GRK3: variants seen among roughly 807,000 people sequenced by gnomAD.
GRK3 encodes G protein-coupled receptor kinase 3.
A neutral mutation model predicts 95.7 loss-of-function variants in GRK3; 54 were observed. The ratio of observed to expected loss-of-function variants is 0.56; its 90% CI spans 0.45 to 0.71. The LOEUF (loss-of-function observed/expected upper bound fraction) is 0.71, where lower values mean the gene tolerates loss of function less well. GRK3 is among the 30% of genes least tolerant of loss of function. The pLI, the probability that GRK3 is intolerant of heterozygous loss-of-function variation, is 0.00. For synonymous variants in GRK3, 281 were observed against 290.8 expected, an observed-to-expected ratio of 0.97 and a Z score of 0.34; for missense variants, 649 against 851.2, an observed-to-expected ratio of 0.76 and a Z score of 2.96.
intron 20 of GRK3, among the ~76,000 whole-genome samples, chr22:25,721,731 A>G (rs5761160): frequency 1.3e-5 from 2 of 152,188 alleles, no homozygotes; most frequent in African/African-American, 4.8e-5. Flanking sequence ...TAAATATAAG[A>G]CGGCAAACTG....
At position 25,595,862 on chromosome 22, in the gene GRK3, G is replaced by A. The variant is rs566626057; in HGVS notation, c.114-8515G>A. Among the ~76,000 whole-genome samples the A allele has an allele frequency of 4.6e-5, 7 of 152,260 alleles. No homozygotes were observed. In the South Asian group the frequency reaches 1.5e-3, roughly 32 times the overall value. On this transcript the variant is annotated intron_variant, in intron 1 of 20. Coordinates refer to ENST00000324198, the MANE Select transcript of GRK3 (RefSeq NM_005160.4). ...CTCAGGAGGCTGAGGTGGGAGGATG[G>A]CTTGAGCTCAGGAGTTTGAGGCCGC... is the stretch of plus-strand genomic sequence containing the variant.
At chr22:25,632,039 C>T (rs1157410388) in intron 2 of GRK3, among the ~76,000 whole-genome samples, 1 of 152,138 alleles carries the variant, frequency 6.6e-6, no homozygotes, top group Non-Finnish European at 1.5e-5. Context: ...TTCTATGTGA[C>T]TATAAGAGCA....
rs1368163821 is a variant in GRK3, at chr22:25,687,677, A to T, written c.957+10A>T. The T allele has an allele frequency of 6.2e-7, 1 of 1,613,942 alleles. No individual in the cohort carries two copies. The highest frequency in any genetic ancestry group is 8.5e-7 in the Non-Finnish European group (1 of 1,179,958). On this transcript the variant is annotated intron_variant, in intron 11 of 20. Coordinates refer to ENST00000324198, the MANE Select transcript of GRK3 (RefSeq NM_005160.4). ...CTACAGAGATTTGAAGGTGAGGACG[A>T]TTGACAGACTCATTCTGCATAGTAG...
intron 3 of GRK3, among the ~76,000 whole-genome samples, chr22:25,661,194 C>T (rs16980523): frequency 1.3e-5 from 2 of 152,122 alleles, no homozygotes; most frequent in Non-Finnish European, 2.9e-5. Flanking sequence ...ATTCCCTATC[C>T]TAACTCCTAG....
chr22:25,590,247 C>T (rs868084810), intron 1 of GRK3, among the ~76,000 whole-genome samples: 2 of 151,472 alleles, frequency 1.3e-5, no homozygotes, highest in Non-Finnish European at 2.9e-5. Flanking sequence ...AATACAATGC[C>T]ACTGCGAAAA....
At chr22:25,580,204 CAG>C (rs1491246548) in intron 1 of GRK3, 2 of 152,232 alleles carry the variant, frequency 1.3e-5, no homozygotes, top group African/African-American at 4.8e-5. Context: ...TCGGCTTCCT[CAG>C]GGGGTCACTG....
intron 1 of GRK3, among the ~76,000 whole-genome samples, chr22:25,596,235 G>A (rs2084371737): frequency 6.6e-6 from 1 of 152,290 alleles, no homozygotes; most frequent in Non-Finnish European, 1.5e-5. Context: ...GGGTAGGTAG[G>A]TGAAAAACCA....
chr22:25,729,038 A>G lies in GRK3; in HGVS notation c.*6588A>G, dbSNP rs2085496035. 6.6e-6 allele frequency: 1 copy of G among 152,192 alleles called. No individual in the cohort carries two copies. The highest frequency in any genetic ancestry group is 1.5e-5 in the Non-Finnish European group (1 of 68,036). 9.4% of individuals were successfully genotyped at this position (152,192 alleles called of 1,614,324 possible). On this transcript the variant is annotated 3_prime_UTR_variant, in exon 21 of 21. Coordinates refer to ENST00000324198, the MANE Select transcript of GRK3 (RefSeq NM_005160.4). ...AATCTAGATATTGTACCTAGACAAA[A>G]TATCATTGGTTCTATCTCTTTTTGT...
Position 25,564,800 on chromosome 22 carries a change from C to G in GRK3, c.-241C>G, listed in dbSNP as rs1931375562. On this transcript the variant is annotated 5_prime_UTR_variant, in exon 1 of 21. Transcript: ENST00000324198. ...CAGGGGGCGGCGCGCGTGCGCGGGGCGCCGGGCGGCGCGCGAGGGGGCGGA... is the reference window on the plus strand; with the variant it reads ...CAGGGGGCGGCGCGCGTGCGCGGGGGGCCGGGCGGCGCGCGAGGGGGCGGA... The G allele has an allele frequency of 6.8e-6, 1 of 147,696 alleles. No individual in the cohort carries two copies. Among genetic ancestry groups the G allele is most frequent in the African/African-American group, 2.5e-5 (1 of 40,488 alleles). 9.1% of individuals were successfully genotyped at this position (147,696 alleles called of 1,614,324 possible).
chr22:25,612,675 A>G (rs914863488), intron 2 of GRK3, among the ~76,000 whole-genome samples: 8 of 152,134 alleles, frequency 5.3e-5, no homozygotes, highest in Admixed American at 4.6e-4. Context: ...AGTTGGTCTC[A>G]AACATATTTA....
At chr22:25,670,690 TC>T (rs1157764544) in intron 6 of GRK3, among the ~76,000 whole-genome samples, 1 of 151,920 alleles carries the variant, frequency 6.6e-6, no homozygotes, top group East Asian at 1.9e-4. Flanking sequence ...CAAAATGAGA[TC>T]GAACCATCAC....
At chr22:25,596,475 T>C (rs1404904013) in intron 1 of GRK3, among the ~76,000 whole-genome samples, 1 of 152,256 alleles carries the variant, frequency 6.6e-6, no homozygotes, top group Non-Finnish European at 1.5e-5. Flanking sequence ...TTTAAACATC[T>C]ATTTGAAAAT....
At chr22:25,710,183 C>G (rs1248759492) in intron 16 of GRK3, among the ~76,000 whole-genome samples, 1 of 152,220 alleles carries the variant, frequency 6.6e-6, no homozygotes, top group African/African-American at 2.4e-5. Flanking sequence ...CATCCTCTCA[C>G]TCTTCATTTC....
At chr22:25,699,198 C>T (rs1348385663) in intron 13 of GRK3, among the ~76,000 whole-genome samples, 4 of 152,068 alleles carry the variant, frequency 2.6e-5, no homozygotes, top group African/African-American at 7.2e-5. Context: ...GTGGGAGAAC[C>T]TCAAAAATAT....
At chr22:25,706,452 G>A (rs367614250) in intron 15 of GRK3, among the ~76,000 whole-genome samples, 10 of 152,186 alleles carry the variant, frequency 6.6e-5, no homozygotes, top group East Asian at 1.9e-4. Context: ...CACTGCCCCT[G>A]TGTCAGCACC....
intron 2 of GRK3, among the ~76,000 whole-genome samples, chr22:25,628,098 G>T (rs763745872): frequency 6.6e-6 from 1 of 152,162 alleles, no homozygotes; most frequent in Admixed American, 6.5e-5. Flanking sequence ...CCTAAGAAAA[G>T]ATTTTCAATG....
At chr22:25,649,541 C>CT (rs1262229010) in intron 3 of GRK3, among the ~76,000 whole-genome samples, 3 of 152,162 alleles carry the variant, frequency 2.0e-5, no homozygotes, top group Non-Finnish European at 4.4e-5. Flanking sequence ...CATTTTCTTT[C>CT]TTTTCTTCCC....
intron 2 of GRK3, among the ~76,000 whole-genome samples, chr22:25,637,865 A>G (rs1601491939): frequency 6.6e-6 from 1 of 152,296 alleles, no homozygotes; most frequent in Admixed American, 6.5e-5. Flanking sequence ...GATGGTGCAG[A>G]TGAAGTCTGG....
In GRK3 at chr22:25,684,898, T is replaced by C. The variant is rs3730110; in HGVS notation, c.748-272T>C. 1.9e-4 allele frequency among the ~76,000 whole-genome samples: 29 copies of C among 152,272 alleles called. No homozygotes were observed. The East Asian group carries it at 5.4e-3, about 28-fold the overall frequency. ...AAAACCCACAGCATATATTGTATATTAAAAAATAGCAAGAAGAGAGACTTT... is the reference window on the plus strand; with the variant it reads ...AAAACCCACAGCATATATTGTATATCAAAAAATAGCAAGAAGAGAGACTTT... On this transcript the variant is annotated intron_variant, in intron 9 of 20. Transcript: ENST00000324198.
Sources: allele counts gnomAD v4.1 joint callset (sites outside exome capture counted in the v4.1 genomes callset), GRCh38; gene constraint gnomAD v4.1.1; transcripts MANE v1.5; gene names NCBI Gene and HGNC (gene_info 2026-07-23, HGNC 2026-07-21).